The following C6 variants were observed in gnomAD, a reference collection of about 807,000 sequenced individuals.
The protein encoded by C6 is complement component C6.
A neutral mutation model predicts 112.9 loss-of-function variants in C6; 101 were observed. The ratio of observed to expected loss-of-function variants is 0.89; its 90% CI spans 0.76 to 1.06. The LOEUF is 1.06. C6 is among the 50% of genes least tolerant of loss of function. The pLI, the probability that C6 is intolerant of heterozygous loss-of-function variation, is 0.00. For missense variants in C6, 1,202 were observed against 1,104.6 expected (o/e 1.09, Z -1.25); for synonymous variants, 431 against 384.1 (o/e 1.12, Z -1.43).
At chr5:41,228,566 T>C (rs114127007) in intron 1 of C6, among the ~76,000 whole-genome samples, 2,381 of 152,290 alleles carry the variant, frequency 0.016, 23 homozygotes, top group Non-Finnish European at 0.023. Flanking sequence ...TCTTTCACTG[T>C]TGAGTATGAT....
chr5:41,176,792 T>C (rs1748894972), intron 7 of C6, 77 bp from the exon 8 acceptor site: 2 of 1,321,776 alleles, frequency 1.5e-6, no homozygotes, highest in South Asian at 2.5e-5. Flanking sequence ...ATGTCATTGA[T>C]TTATCATTAG....
intron 8 of C6, among the ~76,000 whole-genome samples, chr5:41,174,623 A>G (rs995314819): frequency 6.6e-6 from 1 of 152,226 alleles, no homozygotes; most frequent in African/African-American, 2.4e-5. Flanking sequence ...TGACTATGGG[A>G]CATTGAACAA....
intron 1 of C6, among the ~76,000 whole-genome samples, chr5:41,247,164 A>G (rs558560017): frequency 3.9e-5 from 6 of 152,146 alleles, no homozygotes; most frequent in Non-Finnish European, 8.8e-5. Flanking sequence ...AAATAAGCCA[A>G]TTCAAGGAAG....
intron 3 of C6, among the ~76,000 whole-genome samples, chr5:41,200,281 T>C (rs114282304): frequency 0.025 from 3,834 of 152,256 alleles, 163 homozygotes; most frequent in African/African-American, 0.088. Context: ...AAAGATAGTG[T>C]GAAGGGATAA....
At chr5:41,192,212 A>T (rs1750269351) in intron 5 of C6, among the ~76,000 whole-genome samples, 1 of 152,178 alleles carries the variant, frequency 6.6e-6, no homozygotes, top group South Asian at 2.1e-4. Context: ...GCATATTTTG[A>T]ACCATCCTTG....
At chr5:41,214,444 T>C (rs1364936071), upstream of C6, among the ~76,000 whole-genome samples, 1 of 152,134 alleles carries the variant, frequency 6.6e-6, no homozygotes, top group African/African-American at 2.4e-5. Flanking sequence ...TGGTAGTAAC[T>C]TTCCCAAGGC....
rs1750874922 is a variant in C6, at chr5:41,199,833, C to A, written c.380G>T (p.Cys127Phe). The change falls in exon 4 of 18, where the codon TGC (cysteine) becomes TTC (phenylalanine). Residue 127 changes from cysteine to phenylalanine, a missense_variant. Transcript: ENST00000337836. ...CTAPLVAFQP[C>F]IPSKLCKIEE... Reference sequence around the variant, plus strand: ...AATTTTGCAGAGCTTAGATGGAATGCATGGTTGAAAGGCTACCAGAGGCGC... The same window carrying A: ...AATTTTGCAGAGCTTAGATGGAATGAATGGTTGAAAGGCTACCAGAGGCGC... 1.2e-6 allele frequency: 2 copies of A among 1,613,582 alleles called. No individual in the cohort carries two copies. Among genetic ancestry groups the A allele is most frequent in the African/African-American group, 1.3e-5 (1 of 74,902 alleles).
intron 15 of C6, among the ~76,000 whole-genome samples, chr5:41,151,655 G>A (rs1441015997): frequency 6.6e-6 from 1 of 152,172 alleles, no homozygotes; most frequent in Non-Finnish European, 1.5e-5. Flanking sequence ...TTCTTCAGTA[G>A]GAGAGTGCAG....
intron 1 of C6, among the ~76,000 whole-genome samples, chr5:41,238,508 C>G (rs1740475228): frequency 6.6e-6 from 1 of 152,156 alleles, no homozygotes; most frequent in African/African-American, 2.4e-5. Flanking sequence ...TGGGGCAAGT[C>G]TATTCACACC....
rs1258899145 is a variant in C6, at chr5:41,208,758, C to T, written c.-21+4618G>A. ...CTTACCAACCAAAAAAAGTCCAGGACCAGATGGATTCACAGCCGAATTCTA... is the reference window on the plus strand; with the variant it reads ...CTTACCAACCAAAAAAAGTCCAGGATCAGATGGATTCACAGCCGAATTCTA... On this transcript the variant is annotated intron_variant, in intron 1 of 17. Coordinates refer to ENST00000337836, the MANE Select transcript of C6 (RefSeq NM_000065.5). Among the ~76,000 whole-genome samples the T allele has an allele frequency of 2.6e-5, 4 of 152,004 alleles. No individual in the cohort carries two copies. In the East Asian group the frequency reaches 7.7e-4, roughly 29 times the overall value.
At chr5:41,161,915 A>C (rs1341362888) in intron 9 of C6, 56 bp from the exon 10 acceptor site, 1 of 1,558,574 alleles carries the variant, frequency 6.4e-7, no homozygotes, top group Non-Finnish European at 8.8e-7. Context: ...TTCCTATTCT[A>C]AAACAAACAA....
At chr5:41,181,588 A>G (rs749751565) in intron 6 of C6, 29 bp from the exon 7 acceptor site, 4 of 1,562,522 alleles carry the variant, frequency 2.6e-6, no homozygotes, top group East Asian at 2.3e-5. Flanking sequence ...AAAATAAAAT[A>G]TAATTTAGGA....
intron 1 of C6, among the ~76,000 whole-genome samples, chr5:41,240,939 T>C (rs1561200387): frequency 1.3e-5 from 2 of 152,186 alleles, no homozygotes; most frequent in Non-Finnish European, 2.9e-5. Flanking sequence ...ACCGGCATTA[T>C]TGGGCTGTTA....
intron 3 of C6, among the ~76,000 whole-genome samples, chr5:41,200,949 C>A (rs1399036496): frequency 8.3e-6 from 1 of 120,976 alleles, no homozygotes; most frequent in Non-Finnish European, 1.6e-5. Context: ...AGTTTGAAAA[C>A]CTAAAATCCA....
At chr5:41,150,589 G>T (rs927818885) in intron 15 of C6, among the ~76,000 whole-genome samples, 4 of 152,128 alleles carry the variant, frequency 2.6e-5, no homozygotes, top group Non-Finnish European at 5.9e-5. Context: ...GTATGGAAAA[G>T]TTCAAATGGG....
intron 1 of C6, among the ~76,000 whole-genome samples, chr5:41,212,577 G>A (rs543139656): frequency 3.3e-5 from 5 of 152,134 alleles, no homozygotes; most frequent in South Asian, 4.2e-4. Flanking sequence ...CATTCTGGAG[G>A]TATCTAAAAT....
At chr5:41,241,547 A>C (rs1252049554) in intron 1 of C6, among the ~76,000 whole-genome samples, 5 of 152,216 alleles carry the variant, frequency 3.3e-5, no homozygotes, top group Admixed American at 6.5e-5. Flanking sequence ...ATGGACCACA[A>C]GCAGCATGGT....
chr5:41,220,584 C>A (rs1580218511), intron 1 of C6, among the ~76,000 whole-genome samples: 1 of 152,012 alleles, frequency 6.6e-6, no homozygotes, highest in East Asian at 1.9e-4. Context: ...TTACTATAAC[C>A]ATATGAGTGA....
intron 1 of C6, among the ~76,000 whole-genome samples, chr5:41,251,221 C>A (rs1474651113): frequency 6.6e-6 from 1 of 152,122 alleles, no homozygotes; most frequent in Non-Finnish European, 1.5e-5. Flanking sequence ...AATAAATTGA[C>A]AACAGCTGAT....
Sources: allele counts gnomAD v4.1 joint callset (sites outside exome capture counted in the v4.1 genomes callset), GRCh38; gene constraint gnomAD v4.1.1; transcripts MANE v1.5; gene names NCBI Gene and HGNC (gene_info 2026-07-23, HGNC 2026-07-21).